Variants in SIRT7 observed in about 807,000 individuals in gnomAD.
SIRT7 encodes sirtuin 7.
A neutral mutation model predicts 42.8 loss-of-function variants in SIRT7; 32 were observed. The observed-to-expected ratio is 0.75, with a 90% confidence interval of 0.56 to 1.00. The LOEUF (loss-of-function observed/expected upper bound fraction) is 1.00. Among genes scored for constraint, SIRT7 ranks in the 50% least tolerant of loss-of-function variants. SIRT7 has a pLI of 0.00. For missense variants in SIRT7, 553 were observed against 572.2 expected (o/e 0.97, Z 0.34); for synonymous variants, 297 against 245.2 (o/e 1.21, Z -1.97).
Position 81,914,494 on chromosome 17 carries a change from G to A in SIRT7, c.616C>T (p.Arg206Trp), listed in dbSNP as rs1419845203. 6 of 1,613,054 alleles carry A rather than the reference G, an allele frequency of 3.7e-6. No individual in the cohort carries two copies. Among genetic ancestry groups the A allele is most frequent in the South Asian group, 3.3e-5 (3 of 91,090 alleles). The change falls in exon 7 of 10, where the codon CGG (arginine) becomes TGG (tryptophan). Residue 206 changes from arginine to tryptophan, a missense_variant. Physicochemically the swap from Arg to Trp is moderately radical, Grantham distance 101. Coordinates refer to ENST00000328666, the MANE Select transcript of SIRT7 (RefSeq NM_016538.3). ...GTGCGCTCCGTCACATCGAACACCC[G>A]CACGTACTCCCTGTTGGGAACGCAG... Reference protein sequence around the residue: ...TSCVPNREYVRVFDVTERTAL... With the variant: ...TSCVPNREYVWVFDVTERTAL...
chr17:81,915,693 GAA>G lies in SIRT7; in HGVS notation c.337-14_337-13del, dbSNP rs1204418608. On this transcript the variant is annotated splice_polypyrimidine_tract_variant and intron_variant, in intron 3 of 9. Coordinates refer to ENST00000328666, the MANE Select transcript of SIRT7 (RefSeq NM_016538.3). ...GGGATAGACGCTGCCTGCATGTCGA[GAA>G]AAAAGGTAAGCCAAGTCAAAAGGCA... 1 of 1,613,192 alleles carries G rather than the reference GAA, an allele frequency of 6.2e-7. No homozygotes were observed. The highest frequency in any genetic ancestry group is 8.5e-7 in the Non-Finnish European group (1 of 1,179,798).
chr17:81,915,126 T>C, intron 5 of SIRT7: 1 of 514,612 alleles, frequency 1.9e-6, no homozygotes, highest in Non-Finnish European at 3.5e-6. Flanking sequence ...CCCAGAGATG[T>C]CCTATAAGCC....
At position 81,912,420 on chromosome 17, in the gene SIRT7, G is replaced by A. The variant is rs536317348; in HGVS notation, c.1199C>T (p.Thr400Met). 2.0e-5 allele frequency: 32 copies of A among 1,614,078 alleles called. No homozygotes were observed. Among genetic ancestry groups the A allele is most frequent in the South Asian group, 1.6e-4 (15 of 91,086 alleles). The change falls in exon 10 of 10, where the codon ACG (threonine) becomes ATG (methionine). Residue 400 changes from threonine (T) to methionine (M), a missense_variant. Physicochemically the swap from Thr to Met is moderately conservative, Grantham distance 81 (BLOSUM62 -1). Transcript: ENST00000328666. ...TGTTCTTCATCGAGCACGTGATTAC[G>A]TCACTTTCTTCCTTTTTGTGCGTTT... Reference protein sequence around the residue: ...CTKRTKRKKVT With the variant: ...CTKRTKRKKVM
intron 5 of SIRT7, 72 bp from the exon 6 acceptor site, chr17:81,914,774 A>T: frequency 1.5e-6 from 2 of 1,299,010 alleles, no homozygotes; most frequent in Middle Eastern, 2.1e-4. Context: ...ACCCGGCCAC[A>T]GCGAGGCTGT....
rs1306678149 is a variant in SIRT7 at position 81,912,496 on chromosome 17, G to A, written c.1123C>T (p.Pro375Ser). The change falls in exon 10 of 10, where the codon CCG becomes TCG. Residue 375 changes from proline (P) to serine (S), a missense_variant. Transcript: ENST00000328666. ...EEAPPGDRGAPLSSAPILGGW... is the reference protein window; with the variant it reads ...EEAPPGDRGASLSSAPILGGW... The stretch of plus-strand genomic sequence containing the variant: ...CCTAGGATGGGGGCCGAGCTAAGCG[G>A]TGCACCCCGGTCCCCAGGCGGGGCC... The A allele has an allele frequency of 1.2e-6, 2 of 1,613,922 alleles. No individual in the cohort carries two copies. The highest frequency in any genetic ancestry group is 1.1e-5 in the South Asian group (1 of 91,082).
intron 2 of SIRT7, 39 bp downstream of exon 2, chr17:81,917,791 C>A: frequency 7.1e-7 from 1 of 1,416,098 alleles, no homozygotes; most frequent in Non-Finnish European, 9.2e-7. Context: ...CAGCTGCTCC[C>A]GAAACCGGGG....
intron 5 of SIRT7, 92 bp downstream of exon 5, chr17:81,915,348 C>A (rs2040775147): frequency 7.1e-7 from 1 of 1,414,782 alleles, no homozygotes; most frequent in Admixed American, 2.0e-5. Context: ...AGTCAACTGG[C>A]AGACAGAGGG....
chr17:81,912,055 T>G lies in SIRT7; in HGVS notation c.*361A>C. ...ATTCTATAAAGTTCACACTTTTTCA[T>G]TAAGTAGTAGTAGAAATACGGTGAG... is the stretch of plus-strand genomic sequence containing the variant. On this transcript the variant is annotated 3_prime_UTR_variant, in exon 10 of 10. Transcript: ENST00000328666. 2.8e-6 allele frequency: 1 copy of G among 351,282 alleles called. No homozygotes were observed. Among genetic ancestry groups the G allele is most frequent in the Non-Finnish European group, 5.3e-6 (1 of 187,810 alleles). The allele number at this position is 351,282 out of a possible 1,614,324, so 21.8% of individuals were successfully genotyped here. A position where few individuals can be genotyped will look rare whatever the true frequency, so the allele number is the denominator to read the frequency against.
intron 5 of SIRT7, chr17:81,915,187 T>A: frequency 1.7e-6 from 1 of 574,330 alleles, no homozygotes; most frequent in Non-Finnish European, 3.1e-6. Flanking sequence ...TGCAAGGGAA[T>A]CACAAAGGGG....
rs772218172 is a variant in SIRT7 at position 81,917,601 on chromosome 17, G to A, written c.336+14C>T. The A allele has an allele frequency of 6.9e-6, 11 of 1,584,168 alleles. No individual in the cohort carries two copies. The highest frequency in any genetic ancestry group is 5.7e-5 in the South Asian group (5 of 87,978). Reference sequence around the variant, plus strand: ...ATACTCCGTCCTGGGGTACGCCTCCGCCTCCCTCCCTACCGTGCTGATTCC... The same window carrying A: ...ATACTCCGTCCTGGGGTACGCCTCCACCTCCCTCCCTACCGTGCTGATTCC... On this transcript the variant is annotated intron_variant, in intron 3 of 9. Coordinates refer to ENST00000328666, the MANE Select transcript of SIRT7 (RefSeq NM_016538.3).
At chr17:81,916,350 A>G (rs1218735422) in intron 3 of SIRT7, 1 of 152,372 alleles carries the variant, frequency 6.6e-6, no homozygotes, top group African/African-American at 2.4e-5. Context: ...GTCACATTCA[A>G]GACGGGAACC....
chr17:81,913,339 A>G lies in SIRT7; in HGVS notation c.1004+435T>C, dbSNP rs1176415922. The G allele has an allele frequency of 6.6e-6, 3 of 452,598 alleles. No homozygotes were observed. Among genetic ancestry groups the G allele is most frequent in the African/African-American group, 6.0e-5 (3 of 49,868 alleles). 28.0% of individuals were successfully genotyped at this position (452,598 alleles called of 1,614,324 possible). ...AGAGTGTAAACTTTTTACTCAATAC[A>G]TACACCAAGTCTAAATTATCACAAA... On this transcript the variant is annotated intron_variant, in intron 9 of 9. Coordinates refer to ENST00000328666, the MANE Select transcript of SIRT7 (RefSeq NM_016538.3). This position sits in a 1 kb window ranked among gnomAD's most constrained non-coding sequence, Gnocchi z 5.0.
chr17:81,917,531 C>A, intron 3 of SIRT7, 84 bp downstream of exon 3: 1 of 1,229,624 alleles, frequency 8.1e-7, no homozygotes, highest in Non-Finnish European at 1.1e-6. Flanking sequence ...GAGAAAAAAC[C>A]TTAGAGCTGC....
chr17:81,914,191 C>G, intron 7 of SIRT7, 24 bp from the exon 8 acceptor site: 2 of 1,613,474 alleles, frequency 1.2e-6, no homozygotes, highest in Non-Finnish European at 1.7e-6. Context: ...CAGACAGACA[C>G]CGCACACACA....
chr17:81,912,793 G>A, intron 9 of SIRT7, 179 bp from the exon 10 acceptor site: 1 of 692,056 alleles, frequency 1.4e-6, no homozygotes, highest in Non-Finnish European at 2.5e-6. Flanking sequence ...AACGGATGTG[G>A]GAGAGGTCAC....
chr17:81,916,459 A>AC (rs1030017725), intron 3 of SIRT7: 2 of 135,336 alleles, frequency 1.5e-5, no homozygotes, highest in East Asian at 2.1e-4. Flanking sequence ...ACATGACTGG[A>AC]CTTTTTTTTT....
chr17:81,915,473 G>A lies in SIRT7; in HGVS notation c.447C>T (p.His149=). 1.2e-6 allele frequency: 2 copies of A among 1,613,696 alleles called. No individual in the cohort carries two copies. The highest frequency in any genetic ancestry group is 1.7e-6 in the Non-Finnish European group (2 of 1,179,930). Residue 149 remains histidine, a synonymous_variant, in exon 5 of 10, where the codon CAC becomes CAT. Transcript: ENST00000328666. ...DLSEAEPTLT[H]MSITRLHEQK... ...GCTCATGCAGACGGGTGATGCTCAT[G>A]TGGGTGAGGGTTGGCTCGGCCTCGC...
rs1346270461 is a variant in SIRT7 at position 81,918,027 on chromosome 17, G to A, written c.93+12C>T. On this transcript the variant is annotated intron_variant, in intron 1 of 9. Coordinates refer to ENST00000328666, the MANE Select transcript of SIRT7 (RefSeq NM_016538.3). ...CCGGGCATGGCCGGGCCGGGGAGCG[G>A]CGGCGGCGTACCTGGCGGAGGCGCT... 6.9e-7 allele frequency: 1 copy of A among 1,452,598 alleles called. No individual in the cohort carries two copies. The allele number at this position is 1,452,598 out of a possible 1,614,324, so 90.0% of individuals were successfully genotyped here.
At position 81,917,699 on chromosome 17, in the gene SIRT7, C is replaced by G. The variant is rs749492299; in HGVS notation, c.252G>C (p.Glu84Asp). 6.2e-7 allele frequency: 1 copy of G among 1,603,168 alleles called. No individual in the cohort carries two copies. The highest frequency in any genetic ancestry group is 8.5e-7 in the Non-Finnish European group (1 of 1,175,834). ...CCAGCTCCCGGACCTTCCCCCGCAGCTCCTCCGGGTCGTCGCACACCTGCC... is the reference window on the plus strand; with the variant it reads ...CCAGCTCCCGGACCTTCCCCCGCAGGTCCTCCGGGTCGTCGCACACCTGCC... ...RQEEVCDDPE[E>D]LRGKVRELAS... Residue 84 changes from glutamate (E) to aspartate (D), a missense_variant, in exon 3 of 10, where the codon GAG becomes GAC. Glu to Asp is a conservative substitution (Grantham distance 45). Coordinates refer to ENST00000328666, the MANE Select transcript of SIRT7 (RefSeq NM_016538.3).
Sources: allele counts gnomAD v4.1 joint callset, GRCh38; gene constraint gnomAD v4.1.1; non-coding constraint Gnocchi (gnomAD v3.1); transcripts MANE v1.5; gene names NCBI Gene and HGNC (gene_info 2026-07-23, HGNC 2026-07-21).